Variants in CPQ observed in about 807,000 individuals in gnomAD.
CPQ encodes the protein carboxypeptidase Q, also known as Ser-Met dipeptidase.
In CPQ, 37 loss-of-function variants were observed where a neutral mutation model predicts 45.7. The observed-to-expected ratio is 0.81, with a 90% CI of 0.62 to 1.07. The LOEUF (loss-of-function observed/expected upper bound fraction) is 1.07, where lower values mean the gene tolerates loss of function less well. Among genes scored for constraint, CPQ ranks in the 50% least tolerant of loss-of-function variants. The pLI is 0.00. For missense variants in CPQ, 537 were observed against 572.9 expected, an observed-to-expected ratio of 0.94 and a Z score of 0.64; for synonymous variants, 186 against 205.8, an observed-to-expected ratio of 0.90 and a Z score of 0.82.
At chr8:96,944,219 G>C (rs188790172) in intron 4 of CPQ, among the ~76,000 whole-genome samples, 1 of 151,868 alleles carries the variant, frequency 6.6e-6, no homozygotes, top group South Asian at 2.1e-4. Context: ...ATATCCTCTG[G>C]CCCACCAGCC....
At chr8:97,033,631 T>C (rs1809947577) in intron 6 of CPQ, among the ~76,000 whole-genome samples, 2 of 152,196 alleles carry the variant, frequency 1.3e-5, no homozygotes, top group African/African-American at 4.8e-5. Flanking sequence ...CAATCTTTTT[T>C]TTTTTTTGCA....
chr8:97,090,788 C>A (rs1392558080), intron 7 of CPQ, among the ~76,000 whole-genome samples: 1 of 152,156 alleles, frequency 6.6e-6, no homozygotes, highest in African/African-American at 2.4e-5. Flanking sequence ...AGTTCTCAAG[C>A]GGTTCTTTGG....
chr8:96,670,366 T>G (rs570308308), intron 1 of CPQ, among the ~76,000 whole-genome samples: 1 of 150,624 alleles, frequency 6.6e-6, no homozygotes, highest in East Asian at 2.0e-4. Flanking sequence ...CACAAATGAC[T>G]GCAAAAGCAA....
chr8:97,059,411 G>T (rs988304760), intron 6 of CPQ, among the ~76,000 whole-genome samples: 3 of 152,134 alleles, frequency 2.0e-5, no homozygotes, highest in African/African-American at 7.2e-5. Context: ...ATTTCCCCAA[G>T]CTGCAGCCAG....
At chr8:97,100,285 G>A (rs1214685249) in intron 7 of CPQ, among the ~76,000 whole-genome samples, 2 of 152,202 alleles carry the variant, frequency 1.3e-5, no homozygotes, top group East Asian at 3.9e-4. Flanking sequence ...AAAACTGTAA[G>A]AATGGCAGGA....
At chr8:97,142,647 C>T (rs572454502) in intron 7 of CPQ, among the ~76,000 whole-genome samples, 1 of 152,330 alleles carries the variant, frequency 6.6e-6, no homozygotes, top group East Asian at 1.9e-4. Flanking sequence ...CAGTGCAGAG[C>T]TTGTTGAGAG....
At chr8:96,754,978 TTTGA>T (rs923785813) in intron 1 of CPQ, among the ~76,000 whole-genome samples, 1 of 151,920 alleles carries the variant, frequency 6.6e-6, no homozygotes, top group African/African-American at 2.4e-5. Flanking sequence ...CATCTATTTA[TTTGA>T]TTGTTTAAAA....
At chr8:96,687,363 C>A (rs183039115) in intron 1 of CPQ, among the ~76,000 whole-genome samples, 1 of 152,176 alleles carries the variant, frequency 6.6e-6, no homozygotes, top group African/African-American at 2.4e-5. Flanking sequence ...CAGACGCACA[C>A]CACCACTCCT....
intron 3 of CPQ, among the ~76,000 whole-genome samples, chr8:96,850,569 T>C (rs1219648261): frequency 7.0e-6 from 1 of 141,992 alleles, no homozygotes; most frequent in Non-Finnish European, 1.5e-5. Context: ...TTTATTTTTA[T>C]TTTATTTTAT....
intron 7 of CPQ, among the ~76,000 whole-genome samples, chr8:97,100,464 G>GCT (rs1039292105): frequency 3.3e-5 from 5 of 152,126 alleles, no homozygotes; most frequent in African/African-American, 1.2e-4. Flanking sequence ...AGTGGGCTTG[G>GCT]CTCTGGTCAG....
chr8:96,890,211 G>A (rs990578674), intron 4 of CPQ, among the ~76,000 whole-genome samples: 30 of 152,220 alleles, frequency 2.0e-4, no homozygotes, highest in Admixed American at 1.8e-3. Flanking sequence ...ACATGACAAA[G>A]GAAAAAGAAA....
rs374253895 is a variant in CPQ, at chr8:96,965,941, C to T, written c.856C>T (p.Leu286=). The T allele has an allele frequency of 6.8e-6, 11 of 1,607,156 alleles. No individual in the cohort carries two copies. Among genetic ancestry groups the T allele is most frequent in the Non-Finnish European group, 2.5e-6 (3 of 1,177,060 alleles). ...TGSKYPEQVV[L]VSGHLDSWDV... ...TTTTTATTATTTGTTCTAGGTTGTA[C>T]TGGTCAGTGGACATCTGGACAGCTG... The change falls in exon 5 of 8, where the codon CTG becomes TTG. Residue 286 remains leucine (L), a synonymous_variant. Coordinates refer to ENST00000220763, the MANE Select transcript of CPQ (RefSeq NM_016134.4).
intron 1 of CPQ, among the ~76,000 whole-genome samples, chr8:96,713,678 A>T (rs1287725030): frequency 1.3e-5 from 2 of 152,074 alleles, no homozygotes; most frequent in Non-Finnish European, 2.9e-5. Flanking sequence ...CATGGGGATT[A>T]TGGGAACTAC....
At chr8:97,038,080 C>G (rs956378545) in intron 6 of CPQ, among the ~76,000 whole-genome samples, 3 of 152,170 alleles carry the variant, frequency 2.0e-5, no homozygotes, top group Admixed American at 6.5e-5. Context: ...TTGTTTAATT[C>G]AATGCCTTAT....
At chr8:96,976,035 G>A (rs1273423878) in intron 5 of CPQ, among the ~76,000 whole-genome samples, 1 of 151,972 alleles carries the variant, frequency 6.6e-6, no homozygotes, top group Non-Finnish European at 1.5e-5. Flanking sequence ...AATCAGTAAA[G>A]AGGAAGTCAA....
chr8:96,927,228 C>A (rs1812904626), intron 4 of CPQ, among the ~76,000 whole-genome samples: 1 of 152,112 alleles, frequency 6.6e-6, no homozygotes, highest in South Asian at 2.1e-4. Context: ...ATGAGGTAGC[C>A]CTGAGGAAGC....
At chr8:97,076,434 A>G (rs908087400) in intron 7 of CPQ, among the ~76,000 whole-genome samples, 7 of 152,164 alleles carry the variant, frequency 4.6e-5, no homozygotes, top group African/African-American at 1.7e-4. Flanking sequence ...AATATTCCCA[A>G]TTGTCTTCAT....
chr8:96,829,457 G>A (rs1396256002), intron 2 of CPQ, among the ~76,000 whole-genome samples: 3 of 151,922 alleles, frequency 2.0e-5, no homozygotes, highest in Non-Finnish European at 4.4e-5. Context: ...TTTTCTTCCT[G>A]GAATTCACAG....
chr8:97,068,974 A>G (rs1810689080), intron 7 of CPQ, among the ~76,000 whole-genome samples: 1 of 152,176 alleles, frequency 6.6e-6, no homozygotes, highest in Non-Finnish European at 1.5e-5. Context: ...TAAAATGTTT[A>G]TCTTACTCAG....
Sources: gnomAD v4.1 joint callset for allele counts (sites outside exome capture counted in the v4.1 genomes callset) on GRCh38, gnomAD v4.1.1 for gene constraint, MANE v1.5 for transcripts, NCBI Gene and HGNC (gene_info 2026-07-23, HGNC 2026-07-21) for gene names.